The following MRPS31 variants were observed in gnomAD, a reference collection of about 807,000 sequenced individuals.
MRPS31 encodes the protein small ribosomal subunit protein mS31.
In MRPS31, 32 loss-of-function variants were observed where a neutral mutation model predicts 43.1. That is an observed-to-expected ratio of 0.74 (90% CI 0.56 to 1.00). MRPS31 has a LOEUF of 1.00. MRPS31 is among the 50% of genes least tolerant of loss of function. The probability of loss-of-function intolerance (pLI) is 0.00; values close to 1 mark genes in which losing one functional copy is unlikely to be tolerated. For missense variants in MRPS31, 437 were observed against 466.7 expected (o/e 0.94, Z 0.59); for synonymous variants, 165 against 161.6 (o/e 1.02, Z -0.16).
chr13:40,746,119 T>C (rs1395408093), intron 6 of MRPS31, among the ~76,000 whole-genome samples: 1 of 152,202 alleles, frequency 6.6e-6, no homozygotes, highest in Non-Finnish European at 1.5e-5. Flanking sequence ...AAACACGATA[T>C]GTCACTTTGT....
intron 6 of MRPS31, among the ~76,000 whole-genome samples, chr13:40,747,061 T>C (rs980456781): frequency 2.6e-5 from 4 of 152,102 alleles, no homozygotes; most frequent in African/African-American, 4.8e-5. Context: ...TATACCTCAA[T>C]ACTGTTTTTT....
At chr13:40,759,157 GC>G in intron 2 of MRPS31, 51 bp from the exon 3 acceptor site, 1 of 1,436,374 alleles carries the variant, frequency 7.0e-7, no homozygotes, top group Non-Finnish European at 9.3e-7. Flanking sequence ...AGAGAGATTG[GC>G]CAGGTGCGGT....
rs747350850 is a variant in MRPS31 at position 40,766,819 on chromosome 13, T to C, written c.367A>G (p.Arg123Gly). Reference sequence around the variant, plus strand: ...GCTTCCAAACTTTTAAGTGGTCTTCTTTTGGGGGGCTTTGTTGTTCGTACA... The same window carrying C: ...GCTTCCAAACTTTTAAGTGGTCTTCCTTTGGGGGGCTTTGTTGTTCGTACA... ...VNVRTTKPPK[R>G]RPLKSLEATL... The change falls in exon 2 of 7, where the codon AGA becomes GGA. Residue 123 changes from arginine (R) to glycine (G), a missense_variant. By Grantham distance (125) the Arg-to-Gly change is moderately radical (BLOSUM62 -2). Transcript: ENST00000323563. 1.2e-6 allele frequency: 2 copies of C among 1,614,184 alleles called. No individual in the cohort carries two copies. Among genetic ancestry groups the C allele is most frequent in the Non-Finnish European group, 1.7e-6 (2 of 1,180,028 alleles).
chr13:40,740,138 C>T (rs1880040089), intron 6 of MRPS31, among the ~76,000 whole-genome samples: 1 of 148,946 alleles, frequency 6.7e-6, no homozygotes, highest in African/African-American at 2.5e-5. Flanking sequence ...CATGAACAGA[C>T]ACTTCTCAAA....
At chr13:40,761,342 A>G (rs1163435699) in intron 2 of MRPS31, among the ~76,000 whole-genome samples, 1 of 152,204 alleles carries the variant, frequency 6.6e-6, no homozygotes, top group Non-Finnish European at 1.5e-5. Context: ...TCTGTGAATA[A>G]AGCTTTAACC....
At chr13:40,746,791 C>T (rs1282108360) in intron 6 of MRPS31, among the ~76,000 whole-genome samples, 5 of 152,140 alleles carry the variant, frequency 3.3e-5, no homozygotes, top group African/African-American at 4.8e-5. Flanking sequence ...TTACAGTATA[C>T]AATGGAAAAC....
intron 6 of MRPS31, among the ~76,000 whole-genome samples, chr13:40,732,204 T>C (rs1879719380): frequency 6.6e-6 from 1 of 152,212 alleles, no homozygotes; most frequent in Non-Finnish European, 1.5e-5. Context: ...CAGAGGTCCT[T>C]AAATGAAGAC....
At chr13:40,770,836 T>A in intron 1 of MRPS31, 149 bp downstream of exon 1, 1 of 1,031,888 alleles carries the variant, frequency 9.7e-7, no homozygotes, top group Non-Finnish European at 1.5e-6. Context: ...TCACGCACAC[T>A]ATGACCTTGG....
At chr13:40,756,263 A>G (rs1427242079) in intron 4 of MRPS31, among the ~76,000 whole-genome samples, 3 of 152,258 alleles carry the variant, frequency 2.0e-5, no homozygotes, top group Non-Finnish European at 4.4e-5. Context: ...CAGGGTTTAA[A>G]GAAGAAAAAG....
At chr13:40,749,053 G>T in intron 6 of MRPS31, 85 bp downstream of exon 6, 3 of 1,345,120 alleles carry the variant, frequency 2.2e-6, no homozygotes, top group South Asian at 1.5e-5. Flanking sequence ...TGAAATTCAT[G>T]TAAGTATCTA....
chr13:40,766,090 A>G (rs1880836459), intron 2 of MRPS31, among the ~76,000 whole-genome samples: 1 of 152,212 alleles, frequency 6.6e-6, no homozygotes, highest in South Asian at 2.1e-4. Context: ...ACATTAAGCT[A>G]CCTTCAAATC....
intron 4 of MRPS31, 57 bp downstream of exon 4, chr13:40,756,816 A>C (rs1880540001): frequency 6.3e-7 from 1 of 1,577,916 alleles, no homozygotes. Flanking sequence ...GTAAATCTAC[A>C]GTTAAGGTAA....
chr13:40,764,320 G>A (rs1260925781), intron 2 of MRPS31, among the ~76,000 whole-genome samples: 1 of 152,046 alleles, frequency 6.6e-6, no homozygotes, highest in Non-Finnish European at 1.5e-5. Context: ...ATTATCTCTA[G>A]ATTACTTATA....
chr13:40,766,417 C>G (rs943083268), intron 2 of MRPS31, among the ~76,000 whole-genome samples: 1 of 152,176 alleles, frequency 6.6e-6, no homozygotes, highest in African/African-American at 2.4e-5. Context: ...CCTCAGCCTC[C>G]CAAGTTGCTG....
chr13:40,767,218 C>T (rs920265538), intron 1 of MRPS31, among the ~76,000 whole-genome samples, 185 bp from the exon 2 acceptor site: 3 of 150,622 alleles, frequency 2.0e-5, no homozygotes, highest in Admixed American at 6.6e-5. Flanking sequence ...AGTGCAATGG[C>T]GCGATCTTGG....
intron 1 of MRPS31, chr13:40,770,716 G>A (rs957025747): frequency 1.4e-5 from 6 of 427,732 alleles, no homozygotes; most frequent in African/African-American, 1.0e-4. Flanking sequence ...ATAAATCTTG[G>A]GAGGCAAAAG....
At chr13:40,750,478 G>A (rs1220094268) in intron 5 of MRPS31, among the ~76,000 whole-genome samples, 3 of 151,918 alleles carry the variant, frequency 2.0e-5, no homozygotes, top group Non-Finnish European at 4.4e-5. Context: ...GTATATATTT[G>A]TCAAAATTAG....
At chr13:40,762,588 C>G (rs1436937009) in intron 2 of MRPS31, among the ~76,000 whole-genome samples, 1 of 151,976 alleles carries the variant, frequency 6.6e-6, no homozygotes, top group East Asian at 1.9e-4. Context: ...TGCATGCCAT[C>G]ACACCCAGCT....
chr13:40,744,061 G>T (rs144408369), intron 6 of MRPS31, among the ~76,000 whole-genome samples: 615 of 152,236 alleles, frequency 4.0e-3, no homozygotes, highest in Middle Eastern at 6.8e-3. Flanking sequence ...AACATAGATG[G>T]AGCTGGGGGC....
Sources: gnomAD v4.1 joint callset for allele counts (sites outside exome capture counted in the v4.1 genomes callset) on GRCh38, gnomAD v4.1.1 for gene constraint, MANE v1.5 for transcripts, NCBI Gene and HGNC (gene_info 2026-07-23, HGNC 2026-07-21) for gene names.